Variants in CHD1L observed in about 807,000 individuals in gnomAD.
CHD1L encodes the protein ATP-dependent chromatin remodeler CHD1L.
A neutral mutation model predicts 115.9 loss-of-function variants in CHD1L; 118 were observed. That is an observed-to-expected ratio of 1.02 (90% CI 0.88 to 1.19). CHD1L has a LOEUF of 1.19. Ranked by LOEUF, CHD1L falls within the 50% of genes most tolerant of loss-of-function variation. CHD1L has a pLI of 0.00. For synonymous variants in CHD1L, 411 were observed against 387.1 expected, an observed-to-expected ratio of 1.06 and a Z score of -0.72; for missense variants, 1,179 against 1,065.3, an observed-to-expected ratio of 1.11 and a Z score of -1.49.
chr1:147,176,078 TA>T, the CHD1L span: 4 of 152,122 alleles, frequency 2.6e-5, no homozygotes, highest in African/African-American at 9.7e-5. Flanking sequence ...CAATAAAAAG[TA>T]AATTTTTATT....
At chr1:147,290,610 A>G (rs1398763484) in intron 19 of CHD1L, among the ~76,000 whole-genome samples, 2 of 152,084 alleles carry the variant, frequency 1.3e-5, no homozygotes, top group Non-Finnish European at 2.9e-5. Flanking sequence ...ACGTTTATGC[A>G]TTAGAACCTT....
chr1:147,269,785 C>A (rs190557799), intron 10 of CHD1L, among the ~76,000 whole-genome samples: 18 of 152,028 alleles, frequency 1.2e-4, no homozygotes, highest in African/African-American at 3.1e-4. Context: ...CTAGGAAAAG[C>A]CCAGATTCCC....
At chr1:147,249,516 G>C (rs1230581839) in intron 1 of CHD1L, among the ~76,000 whole-genome samples, 6 of 139,638 alleles carry the variant, frequency 4.3e-5, no homozygotes, top group Middle Eastern at 4.4e-3. Context: ...AGCAATTTTC[G>C]TGCCTCAGCC....
At chr1:147,232,552 G>A in the CHD1L span, among the ~76,000 whole-genome samples, 10 of 151,684 alleles carry the variant, frequency 6.6e-5, no homozygotes, top group African/African-American at 1.7e-4. Flanking sequence ...ATGCCGAGCC[G>A]AAGCTGGACT....
At chr1:147,194,196 T>C in the CHD1L span, among the ~76,000 whole-genome samples, 5 of 152,204 alleles carry the variant, frequency 3.3e-5, no homozygotes, top group Non-Finnish European at 7.3e-5. Context: ...TGCTCCTGCA[T>C]TGGGTGCATA....
chr1:147,201,880 T>C, the CHD1L span, among the ~76,000 whole-genome samples: 1 of 152,242 alleles, frequency 6.6e-6, no homozygotes, highest in South Asian at 2.1e-4. Context: ...TTCAGTCTCA[T>C]TTCCAGTTTC....
At chr1:147,213,457 CT>C in the CHD1L span, 20 of 1,607,994 alleles carry the variant, frequency 1.2e-5, no homozygotes, top group Admixed American at 1.7e-5. Context: ...CTTCTTCACA[CT>C]GCACACAGTG....
chr1:147,286,265 G>A (rs782283817), intron 17 of CHD1L, 33 bp from the exon 18 acceptor site: 24 of 1,600,540 alleles, frequency 1.5e-5, no homozygotes, highest in Non-Finnish European at 2.1e-5. Flanking sequence ...TGATTGTCTG[G>A]GTTAATTTCC....
chr1:147,294,403 T>G lies in CHD1L; in HGVS notation c.2507-6T>G. 2 of 1,606,378 alleles carry G rather than the reference T, an allele frequency of 1.2e-6. No homozygotes were observed. The highest frequency in any genetic ancestry group is 1.7e-6 in the Non-Finnish European group (2 of 1,175,672). On this transcript the variant is annotated splice_polypyrimidine_tract_variant and splice_region_variant and intron_variant, in intron 21 of 22. Coordinates refer to ENST00000369258, the MANE Select transcript of CHD1L (RefSeq NM_004284.6). ...GTGAAGACATGTGTTCTTCTCTTCA[T>G]AATAGCAAGTGTTCATCTTCCACGT...
the CHD1L span, among the ~76,000 whole-genome samples, chr1:147,234,645 TG>T: frequency 6.6e-6 from 1 of 152,230 alleles, no homozygotes; most frequent in African/African-American, 2.4e-5. Context: ...TAATTTATTT[TG>T]AATGGACAAA....
chr1:147,261,411 T>TA (rs1671883662), intron 6 of CHD1L, among the ~76,000 whole-genome samples: 1 of 131,496 alleles, frequency 7.6e-6, no homozygotes, highest in Non-Finnish European at 1.7e-5. Flanking sequence ...CTTTTTTTTT[T>TA]TTATATATAA....
At chr1:147,179,295 T>A in the CHD1L span, 1 of 1,608,130 alleles carries the variant, frequency 6.2e-7, no homozygotes, top group Non-Finnish European at 8.5e-7. Flanking sequence ...ATAATGAAAA[T>A]AAAGATGTGC....
At chr1:147,266,803 TA>T (rs1270828254) in intron 8 of CHD1L, among the ~76,000 whole-genome samples, 1 of 152,230 alleles carries the variant, frequency 6.6e-6, no homozygotes, top group African/African-American at 2.4e-5. Context: ...CTGAGATTGG[TA>T]AGAACAAATC....
At chr1:147,271,941 CA>C (rs1401221344) in intron 11 of CHD1L, among the ~76,000 whole-genome samples, 1 of 152,172 alleles carries the variant, frequency 6.6e-6, no homozygotes, top group Non-Finnish European at 1.5e-5. Flanking sequence ...CCAAAGACTT[CA>C]ACTGCATGTA....
intron 15 of CHD1L, 120 bp downstream of exon 15, chr1:147,280,311 C>A: frequency 1.0e-6 from 1 of 980,192 alleles, no homozygotes; most frequent in Non-Finnish European, 1.4e-6. Flanking sequence ...ACCCTATTGT[C>A]ATTTGGGCAC....
chr1:147,232,551 C>T, the CHD1L span, among the ~76,000 whole-genome samples: 7 of 152,024 alleles, frequency 4.6e-5, no homozygotes, highest in African/African-American at 1.4e-4. Flanking sequence ...GATGCCGAGC[C>T]GAAGCTGGAC....
At chr1:147,208,643 T>C in the CHD1L span, 2 of 433,920 alleles carry the variant, frequency 4.6e-6, no homozygotes, top group Non-Finnish European at 8.6e-6. Context: ...TTCACCGTGT[T>C]GGCCAGGATG....
chr1:147,201,071 C>A, the CHD1L span: 1 of 963,006 alleles, frequency 1.0e-6, no homozygotes, highest in Non-Finnish European at 1.6e-6. Context: ...CATGCTATCT[C>A]TAGCTATTTA....
At chr1:147,283,565 A>G (rs1681777978) in intron 15 of CHD1L, among the ~76,000 whole-genome samples, 1 of 151,930 alleles carries the variant, frequency 6.6e-6, no homozygotes, top group African/African-American at 2.4e-5. Context: ...TGCCTACTTT[A>G]CTCTTTTACA....
Sources: allele counts gnomAD v4.1 joint callset (sites outside exome capture counted in the v4.1 genomes callset), GRCh38; gene constraint gnomAD v4.1.1; transcripts MANE v1.5; gene names NCBI Gene and HGNC (gene_info 2026-07-23, HGNC 2026-07-21).